The following SORCS1 variants were observed in gnomAD, a reference collection of about 807,000 sequenced individuals.
SORCS1 encodes VPS10 domain-containing receptor SorCS1.
Under a neutral mutation model 146.1 loss-of-function variants are expected in SORCS1, and 60 were observed. The observed-to-expected ratio is 0.41, with a 90% CI of 0.33 to 0.51. The LOEUF (loss-of-function observed/expected upper bound fraction) is 0.51. Among genes scored for constraint, SORCS1 ranks in the 20% least tolerant of loss-of-function variants. SORCS1 has a pLI of 0.21. For missense variants in SORCS1, 1,352 were observed against 1,487.6 expected (o/e 0.91, Z 1.50); for synonymous variants, 637 against 584.0 (o/e 1.09, Z -1.31).
chr10:106,618,053 A>G, intron 21 of SORCS1, 96 bp downstream of exon 21: 1 of 1,522,462 alleles, frequency 6.6e-7, no homozygotes, highest in Non-Finnish European at 8.9e-7. Context: ...TCTCCAGGTA[A>G]AAGTCACAGC....
intron 3 of SORCS1, among the ~76,000 whole-genome samples, chr10:106,806,395 A>C (rs1457274938): frequency 9.8e-6 from 1 of 101,894 alleles, no homozygotes; most frequent in Admixed American, 9.2e-5. Context: ...AAAATAAAAT[A>C]AAATAAAATA....
At chr10:106,916,534 G>A (rs1314424678) in intron 2 of SORCS1, among the ~76,000 whole-genome samples, 1 of 145,026 alleles carries the variant, frequency 6.9e-6, no homozygotes, top group African/African-American at 2.5e-5. Flanking sequence ...ATAATTATGT[G>A]TATCTATGCA....
chr10:106,884,430 T>C (rs904233712), intron 2 of SORCS1, among the ~76,000 whole-genome samples: 2 of 152,110 alleles, frequency 1.3e-5, no homozygotes, highest in Non-Finnish European at 2.9e-5. Flanking sequence ...CTTCACATTC[T>C]ATTTTTTTTT....
At chr10:106,787,142 C>T (rs1170690770) in intron 3 of SORCS1, among the ~76,000 whole-genome samples, 1 of 152,126 alleles carries the variant, frequency 6.6e-6, no homozygotes, top group Non-Finnish European at 1.5e-5. Context: ...GCATTATAAT[C>T]CCCTCATTTA....
At chr10:106,679,411 T>C in intron 11 of SORCS1, 79 bp from the exon 12 acceptor site, 3 of 1,211,028 alleles carry the variant, frequency 2.5e-6, no homozygotes, top group Non-Finnish European at 3.6e-6. Context: ...GTGCACTGCC[T>C]GAGAAAGATT....
chr10:106,897,474 C>G (rs966107292), intron 2 of SORCS1, among the ~76,000 whole-genome samples: 1 of 152,000 alleles, frequency 6.6e-6, no homozygotes, highest in African/African-American at 2.4e-5. Flanking sequence ...AAAGATATAC[C>G]TTTTCTATTC....
At chr10:106,924,249 C>T (rs1317614708) in intron 2 of SORCS1, among the ~76,000 whole-genome samples, 1 of 111,344 alleles carries the variant, frequency 9.0e-6, no homozygotes, top group East Asian at 2.3e-4. Flanking sequence ...AGCAAAACTC[C>T]ATCTCAAAAA....
chr10:106,625,515 G>T (rs1339855492), intron 19 of SORCS1, among the ~76,000 whole-genome samples: 1 of 152,126 alleles, frequency 6.6e-6, no homozygotes, highest in East Asian at 1.9e-4. Context: ...ATAAGACCCA[G>T]AACACCACAT....
At chr10:106,673,029 GT>G in intron 14 of SORCS1, 44 bp from the exon 15 acceptor site, 2 of 1,473,904 alleles carry the variant, frequency 1.4e-6, no homozygotes, top group Non-Finnish European at 1.9e-6. Flanking sequence ...TGATAACAAT[GT>G]AATGAGTAAT....
intron 10 of SORCS1, among the ~76,000 whole-genome samples, chr10:106,680,029 T>C (rs1185983590): frequency 6.6e-6 from 1 of 152,186 alleles, no homozygotes; most frequent in Non-Finnish European, 1.5e-5. Flanking sequence ...CATGAGATCC[T>C]TCCATTAATT....
At chr10:107,068,748 T>C (rs1962146509) in intron 1 of SORCS1, among the ~76,000 whole-genome samples, 1 of 151,962 alleles carries the variant, frequency 6.6e-6, no homozygotes, top group Non-Finnish European at 1.5e-5. Context: ...TGGGGGCCTG[T>C]AGTCCCAGCT....
At chr10:106,683,806 ATTTC>A (rs1462218958) in intron 10 of SORCS1, among the ~76,000 whole-genome samples, 1 of 152,194 alleles carries the variant, frequency 6.6e-6, no homozygotes, top group Non-Finnish European at 1.5e-5. Context: ...CATTTGTATA[ATTTC>A]TTTCTTTGAG....
At chr10:106,835,123 C>T (rs1208361976) in intron 2 of SORCS1, among the ~76,000 whole-genome samples, 2 of 152,102 alleles carry the variant, frequency 1.3e-5, no homozygotes, top group Non-Finnish European at 2.9e-5. Flanking sequence ...GGCATCCCAC[C>T]CGCCTTCCAA....
intron 16 of SORCS1, 107 bp downstream of exon 16, chr10:106,671,130 C>A: frequency 6.9e-7 from 1 of 1,453,892 alleles, no homozygotes; most frequent in Non-Finnish European, 9.4e-7. Flanking sequence ...ATGAAGCTGG[C>A]CACTTAGCCC....
intron 2 of SORCS1, among the ~76,000 whole-genome samples, chr10:106,879,427 T>G (rs1403685933): frequency 6.6e-6 from 1 of 152,220 alleles, no homozygotes; most frequent in African/African-American, 2.4e-5. Context: ...ATTTAGTTAT[T>G]TTTAACCACA....
At chr10:106,808,463 G>A (rs956547497) in intron 3 of SORCS1, among the ~76,000 whole-genome samples, 2 of 152,130 alleles carry the variant, frequency 1.3e-5, no homozygotes, top group African/African-American at 4.8e-5. Flanking sequence ...ACCCAAAACT[G>A]TGTGGTTTTG....
chr10:106,618,159 G>A lies in SORCS1; in HGVS notation c.2910C>T (p.Ile970=), dbSNP rs138510886. Residue 970 remains isoleucine, a synonymous_variant, in exon 21 of 26, where the codon ATC becomes ATT. Coordinates refer to ENST00000263054, the MANE Select transcript of SORCS1 (RefSeq NM_052918.5). ...GAGATGGGCACTCACCATATACTGC[G>A]ATGGTCTTTGTGTCTTGTAGGATGG... The part of the protein sequence containing the change: ...GNAILQDTKT[I]AVYEEFRSLR... 5.6e-6 allele frequency: 9 copies of A among 1,613,924 alleles called. No homozygotes were observed. Among genetic ancestry groups the A allele is most frequent in the South Asian group, 4.4e-5 (4 of 91,080 alleles).
At chr10:106,760,442 CAAAAA>C (rs34324078) in intron 5 of SORCS1, among the ~76,000 whole-genome samples, 2 of 45,804 alleles carry the variant, frequency 4.4e-5, no homozygotes, top group Non-Finnish European at 7.5e-5. Flanking sequence ...GACTCCGTCT[CAAAAA>C]AAAAAAAAAA....
intron 2 of SORCS1, among the ~76,000 whole-genome samples, chr10:106,854,023 G>C (rs1488445336): frequency 6.6e-6 from 1 of 151,556 alleles, no homozygotes; most frequent in Admixed American, 6.6e-5. Flanking sequence ...TTGCCTACTA[G>C]ATCTGTTCAT....
Sources: gnomAD v4.1 joint callset for allele counts (sites outside exome capture counted in the v4.1 genomes callset) on GRCh38, gnomAD v4.1.1 for gene constraint, MANE v1.5 for transcripts, NCBI Gene and HGNC (gene_info 2026-07-23, HGNC 2026-07-21) for gene names.